MAP4K1: variants seen among roughly 807,000 people sequenced by gnomAD.
The protein encoded by MAP4K1 is MAPK/ERK kinase kinase kinase 1.
In MAP4K1, 35 loss-of-function variants were observed where a neutral mutation model predicts 122.8. The observed-to-expected ratio is 0.29, with a 90% CI of 0.22 to 0.38. The LOEUF is 0.38. Among genes scored for constraint, MAP4K1 ranks in the 10% least tolerant of loss-of-function variants. MAP4K1 has a pLI of 1.00. For missense variants in MAP4K1, 791 were observed against 1,072.6 expected (o/e 0.74, Z 3.67); for synonymous variants, 412 against 421.3 (o/e 0.98, Z 0.27).
At chr19:38,606,517 C>T (rs1454387973) in intron 16 of MAP4K1, among the ~76,000 whole-genome samples, 4 of 151,492 alleles carry the variant, frequency 2.6e-5, no homozygotes, top group Non-Finnish European at 5.9e-5. Context: ...ATTAGCCAGG[C>T]GTGGCAGGTG....
intron 27 of MAP4K1, 27 bp downstream of exon 27, chr19:38,595,908 GGGGA>G (rs773896583): frequency 6.8e-6 from 11 of 1,609,220 alleles, no homozygotes; most frequent in Non-Finnish European, 9.4e-6. Flanking sequence ...CTGGAGGGGT[GGGGA>G]GGAAGGGGAG....
Position 38,600,089 on chromosome 19 carries a change from G to A in MAP4K1, c.1596C>T (p.Ala532=), listed in dbSNP as rs771252231. 17 of 1,614,020 alleles carry A rather than the reference G, an allele frequency of 1.1e-5. No homozygotes were observed. The highest frequency in any genetic ancestry group is 2.7e-5 in the African/African-American group (2 of 74,922). ...TATGGTTCCTCACCATTTCCAGCGTGGCCTCCTGGTCATTCCGGTTCAGGA... is the reference window on the plus strand; with the variant it reads ...TATGGTTCCTCACCATTTCCAGCGTAGCCTCCTGGTCATTCCGGTTCAGGA... ...IFILNRNDQE[A]TLEMLFPSRT... is the part of the protein sequence containing the mutation. Residue 532 remains alanine (A), a synonymous_variant, in exon 21 of 31, where the codon GCC becomes GCT. Transcript: ENST00000396857.
rs186457186 is a variant in MAP4K1, at chr19:38,603,958, T to C, written c.1446+1451A>G. Among the ~76,000 whole-genome samples the C allele has an allele frequency of 3.3e-3, 489 of 146,958 alleles. 4 individuals are homozygous for C. The highest frequency in any genetic ancestry group is 0.012 in the African/African-American group (464 of 39,544). On this transcript the variant is annotated intron_variant, in intron 19 of 30. Coordinates refer to ENST00000396857, the MANE Select transcript of MAP4K1 (RefSeq NM_001042600.3). ...AAGATAGCACCACTGCACTCCAGCCTGGGCGACAGAGTGAGACTCCATCTC... is the reference window on the plus strand; with the variant it reads ...AAGATAGCACCACTGCACTCCAGCCCGGGCGACAGAGTGAGACTCCATCTC...
chr19:38,612,246 C>A (rs2144738754), intron 9 of MAP4K1, among the ~76,000 whole-genome samples: 1 of 151,636 alleles, frequency 6.6e-6, no homozygotes, highest in Admixed American at 6.6e-5. Context: ...ATGTTGAAAC[C>A]CCGTCTCTAC....
At position 38,605,691 on chromosome 19, in the gene MAP4K1, T is replaced by A. The variant is rs959241635; in HGVS notation, c.1240A>T (p.Met414Leu). The change falls in exon 18 of 31, where the codon ATG (methionine) becomes TTG (leucine). Residue 414 changes from methionine to leucine, a missense_variant. Physicochemically the swap from Met to Leu is conservative, Grantham distance 15 (BLOSUM62 2). Transcript: ENST00000396857. The part of the protein sequence containing the change: ...RSPSDEGPGS[M>L]GDDGQLSPGV... ...GGGCTCAGCTGCCCATCATCCCCCA[T>A]GCTCCCAGGACCCTCGTCTGATGGA... The A allele has an allele frequency of 1.2e-6, 2 of 1,607,792 alleles. No homozygotes were observed. The highest frequency in any genetic ancestry group is 1.7e-5 in the Admixed American group (1 of 57,698).
rs200275013 is a variant in MAP4K1 at position 38,614,520 on chromosome 19, C to A, written c.314-75G>T. 2.3e-5 allele frequency: 35 copies of A among 1,524,776 alleles called. No individual in the cohort carries two copies. The East Asian group carries it at 2.9e-4, about 13-fold the overall frequency. The allele number at this position is 1,524,776 out of a possible 1,614,324, so 94.5% of individuals were successfully genotyped here. ...CCTGGGCTGGGGAGTCCTGCCCCCC[C>A]ACACCAGCTAAGAGGGTGCCATAGG... is the stretch of plus-strand genomic sequence containing the variant. On this transcript the variant is annotated intron_variant, in intron 4 of 30. Transcript: ENST00000396857.
chr19:38,602,447 CACAT>C (rs1469493850), intron 19 of MAP4K1, among the ~76,000 whole-genome samples: 5 of 146,772 alleles, frequency 3.4e-5, no homozygotes, highest in Admixed American at 6.7e-5. Flanking sequence ...TATACACACA[CACAT>C]ACATATATAC....
chr19:38,617,678 C>T lies in MAP4K1; in HGVS notation c.100-53G>A. On this transcript the variant is annotated intron_variant, in intron 1 of 30. Transcript: ENST00000396857. This position sits in a 1 kb window ranked among gnomAD's most constrained non-coding sequence, Gnocchi z 4.1. The stretch of plus-strand genomic sequence containing the variant: ...CAGGCTCCATTTGCCAGAGTCCCTC[C>T]ACAGCATCCCTGAGTCAAGGTCAAG... The T allele has an allele frequency of 6.2e-7, 1 of 1,608,852 alleles. No homozygotes were observed. Among genetic ancestry groups the T allele is most frequent in the Non-Finnish European group, 8.5e-7 (1 of 1,175,234 alleles).
At chr19:38,608,819 A>AAAAAAAAAAAC (rs1975409949) in intron 13 of MAP4K1, among the ~76,000 whole-genome samples, 1 of 148,802 alleles carries the variant, frequency 6.7e-6, no homozygotes, top group African/African-American at 2.5e-5. Flanking sequence ...AAAAAAAAAA[A>AAAAAAAAAAAC]AAAAAAAAAA....
rs762725533 is a variant in MAP4K1 at position 38,605,607 on chromosome 19, G to T, written c.1324C>A (p.Pro442Thr). 56 of 1,563,356 alleles carry T rather than the reference G, an allele frequency of 3.6e-5. No homozygotes were observed. Among genetic ancestry groups the T allele is most frequent in the Non-Finnish European group, 4.6e-5 (53 of 1,156,078 alleles). ...AGGTGGGGGCTGCTGGTGGATGGGG[G>T]AGGCCCAGGACGGGGGCTGTTTGGT... ...PPPNSPRPGP[P>T]PSTSSPHLTA... The change falls in exon 18 of 31, where the codon CCC becomes ACC. Residue 442 changes from proline (P) to threonine (T), a missense_variant. Around this residue, in one of 4 missense-constraint regions of MAP4K1, gnomAD observed 303 missense variants for 344.8 expected, o/e 0.88. Coordinates refer to ENST00000396857, the MANE Select transcript of MAP4K1 (RefSeq NM_001042600.3).
chr19:38,603,114 A>G lies in MAP4K1; in HGVS notation c.1447-1589T>C, dbSNP rs138074460. ...CATATATACACATGTACATATATAC[A>G]CATGTACATATATACGCATATACAT... On this transcript the variant is annotated intron_variant, in intron 19 of 30. Coordinates refer to ENST00000396857, the MANE Select transcript of MAP4K1 (RefSeq NM_001042600.3). Among the ~76,000 whole-genome samples, 564 of 114,464 alleles carry G rather than the reference A, an allele frequency of 4.9e-3. 49 individuals are homozygous for G. Among genetic ancestry groups the G allele is most frequent in the East Asian group, 0.01 (31 of 3,096 alleles). The allele number at this position is 114,464 out of a possible 152,430, so 75.1% of individuals were successfully genotyped here. A position where few individuals can be genotyped will look rare whatever the true frequency, so the allele number is the denominator to read the frequency against.
rs4018120 is a variant in MAP4K1, at chr19:38,594,957, T to TTATCTATCTATC, written c.2340+516_2340+527dup. On this transcript the variant is annotated intron_variant, in intron 29 of 30. Coordinates refer to ENST00000396857, the MANE Select transcript of MAP4K1 (RefSeq NM_001042600.3). ...ATCCATCTCCAAAAATAAATAAATT[T>TTATCTATCTATC]TATCTATCTATCTATCTATCTATCT... Among the ~76,000 whole-genome samples, 1,076 of 146,662 alleles carry TTATCTATCTATC rather than the reference T, an allele frequency of 7.3e-3. 18 individuals are homozygous for TTATCTATCTATC. Among genetic ancestry groups the TTATCTATCTATC allele is most frequent in the African/African-American group, 0.021 (818 of 39,308 alleles).
At chr19:38,590,390 AAAAAATATATATATATAT>A (rs1183005174) in intron 30 of MAP4K1, among the ~76,000 whole-genome samples, 54 of 26,372 alleles carry the variant, frequency 2.0e-3, no homozygotes, top group South Asian at 3.5e-3. Context: ...AAAAAAAAAA[AAAAAATATATATATATAT>A]ATATATATAT....
At position 38,597,476 on chromosome 19, in the gene MAP4K1, G is replaced by A; in HGVS notation, c.1778+10C>T. ...AAGGCTGTGTGGTGCCATTCATTGG[G>A]AGCTGGTACCTTGCCAGTAGGCGGT... On this transcript the variant is annotated intron_variant, in intron 23 of 30. Coordinates refer to ENST00000396857, the MANE Select transcript of MAP4K1 (RefSeq NM_001042600.3). This position sits in a 1 kb window ranked among gnomAD's most constrained non-coding sequence, Gnocchi z 4.6. 3 of 1,613,884 alleles carry A rather than the reference G, an allele frequency of 1.9e-6. No individual in the cohort carries two copies. Among genetic ancestry groups the A allele is most frequent in the Non-Finnish European group, 2.5e-6 (3 of 1,179,782 alleles).
intron 29 of MAP4K1, 80 bp from the exon 30 acceptor site, chr19:38,593,417 A>G: frequency 7.4e-7 from 1 of 1,345,110 alleles, no homozygotes; most frequent in Non-Finnish European, 1.0e-6. Flanking sequence ...TAAAGACAGC[A>G]AGGAGCTGGG....
At chr19:38,602,937 T>G (rs993370147) in intron 19 of MAP4K1, among the ~76,000 whole-genome samples, 1 of 145,250 alleles carries the variant, frequency 6.9e-6, no homozygotes, top group Admixed American at 7.2e-5. Flanking sequence ...TATACATATA[T>G]ACACATACAT....
At chr19:38,602,567 T>C (rs1325719038) in intron 19 of MAP4K1, among the ~76,000 whole-genome samples, 15 of 148,108 alleles carry the variant, frequency 1.0e-4, no homozygotes, top group African/African-American at 4.9e-5. Flanking sequence ...CACATATACA[T>C]ATATACATAT....
chr19:38,598,719 A>G (rs572769719), intron 22 of MAP4K1, among the ~76,000 whole-genome samples: 52 of 152,274 alleles, frequency 3.4e-4, no homozygotes, highest in Admixed American at 7.9e-4. Context: ...AAGCTATTTA[A>G]AGACTAACTT....
chr19:38,596,267 C>A, intron 26 of MAP4K1, 45 bp downstream of exon 26: 16 of 1,498,846 alleles, frequency 1.1e-5, no homozygotes, highest in Middle Eastern at 1.8e-4. Context: ...TCCGCCCCTC[C>A]GGATCTGATA....
Sources: gnomAD v4.1 joint callset for allele counts (sites outside exome capture counted in the v4.1 genomes callset) on GRCh38, gnomAD v4.1.1 for gene constraint, gnomAD v4.1.1 regional missense constraint, Gnocchi (gnomAD v3.1) non-coding constraint, MANE v1.5 for transcripts, NCBI Gene and HGNC (gene_info 2026-07-23, HGNC 2026-07-21) for gene names.